ZNF787: variants seen among roughly 807,000 people sequenced by gnomAD.
The protein encoded by ZNF787 is TTF-I-interacting peptide 20.
Under a neutral mutation model 16.9 loss-of-function variants are expected in ZNF787, and 7 were observed. The ratio of observed to expected loss-of-function variants is 0.42; its 90% CI spans 0.24 to 0.78. The LOEUF (loss-of-function observed/expected upper bound fraction) is 0.78, where lower values mean the gene tolerates loss of function less well. ZNF787 is among the 30% of genes least tolerant of loss of function. The pLI, the probability that ZNF787 is intolerant of heterozygous loss-of-function variation, is 0.30. For missense variants in ZNF787, 551 were observed against 589.3 expected (o/e 0.94, Z 0.67); for synonymous variants, 345 against 270.9 (o/e 1.27, Z -2.69).
intron 2 of ZNF787, among the ~76,000 whole-genome samples, chr19:56,096,702 G>T (rs1985887032): frequency 6.6e-6 from 1 of 152,156 alleles, no homozygotes; most frequent in Non-Finnish European, 1.5e-5. Context: ...AACAGAGTGA[G>T]ACTCCGTCTC....
rs979722857 is a variant in ZNF787, at chr19:56,087,807, T to G, written c.*216A>C. Reference sequence around the variant, plus strand: ...ATAACTTAGGAAGGGCGGGCCAGGCTGAGGGGGCAGAGTCTCGAGGCGGAG... The same window carrying G: ...ATAACTTAGGAAGGGCGGGCCAGGCGGAGGGGGCAGAGTCTCGAGGCGGAG... On this transcript the variant is annotated 3_prime_UTR_variant, in exon 3 of 3. Transcript: ENST00000610935. The G allele has an allele frequency of 6.9e-6, 5 of 727,544 alleles. No homozygotes were observed. The highest frequency in any genetic ancestry group is 5.6e-5 in the African/African-American group (3 of 53,574). 45.1% of individuals were successfully genotyped at this position (727,544 alleles called of 1,614,324 possible).
At chr19:56,114,540 A>AG (rs1220724081) in intron 1 of ZNF787, among the ~76,000 whole-genome samples, 1 of 151,676 alleles carries the variant, frequency 6.6e-6, no homozygotes, top group Non-Finnish European at 1.5e-5. Flanking sequence ...TCTCTCTCTG[A>AG]GGGGCCGGGC....
intron 2 of ZNF787, among the ~76,000 whole-genome samples, chr19:56,093,260 T>C (rs527348757): frequency 1.3e-5 from 2 of 150,522 alleles, no homozygotes; most frequent in South Asian, 4.2e-4. Context: ...AATTGAGATA[T>C]TCCATAGATA....
Position 56,103,160 on chromosome 19 carries a change from T to C in ZNF787, c.58A>G (p.Met20Val), listed in dbSNP as rs774672751. ...PGPLDSEDQQ[M>V]ASHENPVDIL... ...TCACCTGGGTTCTCGTGACTGGCCA[T>C]CTGCTGGTCCTCAGAATCCAGCGGC... Residue 20 changes from methionine to valine, a missense_variant, in exon 2 of 3, where the codon ATG (methionine) becomes GTG (valine). Physicochemically the swap from Met to Val is conservative, Grantham distance 21. This residue lies in a region of ZNF787 where 80 missense variants were observed against 105.9 expected (regional missense o/e 0.76). Coordinates refer to ENST00000610935, the MANE Select transcript of ZNF787 (RefSeq NM_001002836.4). 2.5e-6 allele frequency: 4 copies of C among 1,601,112 alleles called. No individual in the cohort carries two copies. The South Asian group carries it at 4.5e-5, about 18-fold the overall frequency.
chr19:56,101,051 AGGG>A (rs1568528372), intron 2 of ZNF787, among the ~76,000 whole-genome samples: 1 of 129,906 alleles, frequency 7.7e-6, no homozygotes, highest in African/African-American at 3.0e-5. Context: ...GTCACATAGG[AGGG>A]ACGCACGTAA....
chr19:56,088,225 G>A lies in ZNF787; in HGVS notation c.947C>T (p.Ala316Val), dbSNP rs1464236172. 41 of 1,503,422 alleles carry A rather than the reference G, an allele frequency of 2.7e-5. No individual in the cohort carries two copies. The highest frequency in any genetic ancestry group is 3.6e-5 in the Non-Finnish European group (41 of 1,132,028). The allele number at this position is 1,503,422 out of a possible 1,614,324, so 93.1% of individuals were successfully genotyped here. A position where few individuals can be genotyped will look rare whatever the true frequency, so the allele number is the denominator to read the frequency against. The change falls in exon 3 of 3, where the codon GCC becomes GTC. Residue 316 changes from alanine (A) to valine (V), a missense_variant. Ala to Val is a moderately conservative substitution (Grantham distance 64). Around this residue, in one of 4 missense-constraint regions of ZNF787, gnomAD observed 392 missense variants for 312.7 expected, o/e 1.25. Coordinates refer to ENST00000610935, the MANE Select transcript of ZNF787 (RefSeq NM_001002836.4). This position sits in a 1 kb window ranked among gnomAD's most constrained non-coding sequence, Gnocchi z 8.6. ...GLGAAGGEEP[A>V]HICVECGEGF... ...CTCCCCGCACTCCACGCAGATGTGGGCCGGCTCCTCGCCCCCCGCCGCCCC... is the reference window on the plus strand; with the variant it reads ...CTCCCCGCACTCCACGCAGATGTGGACCGGCTCCTCGCCCCCCGCCGCCCC...
chr19:56,120,743 G>T (rs1304764152), intron 1 of ZNF787, among the ~76,000 whole-genome samples: 1 of 119,100 alleles, frequency 8.4e-6, no homozygotes, highest in Non-Finnish European at 1.7e-5. Flanking sequence ...ACTTCCCCCC[G>T]AAGTCGCCAC....
chr19:56,105,154 A>G (rs1040086408), intron 1 of ZNF787, among the ~76,000 whole-genome samples: 7 of 150,020 alleles, frequency 4.7e-5, no homozygotes, highest in Non-Finnish European at 8.9e-5. Context: ...AAATAAATAA[A>G]TAATAAAAAA....
chr19:56,092,852 G>T (rs1985687383), intron 2 of ZNF787, among the ~76,000 whole-genome samples: 1 of 151,870 alleles, frequency 6.6e-6, no homozygotes, highest in Non-Finnish European at 1.5e-5. Flanking sequence ...AGGGGTGGCG[G>T]AAGTGGGATC....
Position 56,103,138 on chromosome 19 carries a change from C to A in ZNF787, c.79+1G>T. The A allele has an allele frequency of 6.2e-7, 1 of 1,609,762 alleles. No homozygotes were observed. ...GGCTGGGAAGGCCTCTGGCTGCTCA[C>A]CTGGGTTCTCGTGACTGGCCATCTG... On this transcript the variant is annotated splice_donor_variant, in intron 2 of 2. Transcript: ENST00000610935. LOFTEE classifies it high-confidence loss of function.
At chr19:56,094,160 A>AT (rs1568524682) in intron 2 of ZNF787, among the ~76,000 whole-genome samples, 1 of 140,842 alleles carries the variant, frequency 7.1e-6, no homozygotes, top group Non-Finnish European at 1.5e-5. Flanking sequence ...AGTAGCAGGG[A>AT]TTACAGGCAT....
intron 1 of ZNF787, among the ~76,000 whole-genome samples, chr19:56,112,965 T>C (rs185673284): frequency 1.4e-5 from 2 of 144,346 alleles, no homozygotes; most frequent in East Asian, 4.5e-4. Context: ...CCCCTTCCCT[T>C]GGGGCTTTCG....
rs796556892 is a variant in ZNF787, at chr19:56,116,620, G to GAC, written c.-11+4550_-11+4551dup. On this transcript the variant is annotated intron_variant, in intron 1 of 2. Transcript: ENST00000610935. ...ATAAAGCCTTTATATTAAAAAAAAA[G>GAC]ACACACACACACACAAAACCACACC... Among the ~76,000 whole-genome samples the GAC allele has an allele frequency of 2.8e-4, 42 of 151,336 alleles. 2 individuals carry two copies. Among genetic ancestry groups the GAC allele is most frequent in the East Asian group, 1.2e-3 (6 of 5,158 alleles).
At chr19:56,107,160 C>T (rs1276218903) in intron 1 of ZNF787, among the ~76,000 whole-genome samples, 1 of 152,154 alleles carries the variant, frequency 6.6e-6, no homozygotes, top group Non-Finnish European at 1.5e-5. Flanking sequence ...TCCATGATAG[C>T]CCTCTGGGTA....
intron 2 of ZNF787, among the ~76,000 whole-genome samples, chr19:56,100,121 G>A (rs1183955476): frequency 6.6e-6 from 1 of 152,176 alleles, no homozygotes; most frequent in Non-Finnish European, 1.5e-5. Flanking sequence ...AGGAGCTGAG[G>A]AAGGGTCCGG....
intron 1 of ZNF787, among the ~76,000 whole-genome samples, chr19:56,112,211 C>T (rs541217807): frequency 8.5e-5 from 13 of 152,298 alleles, no homozygotes; most frequent in African/African-American, 2.9e-4. Context: ...GAAGGCCCCC[C>T]ACTTGCTCTC....
In ZNF787 at chr19:56,088,068, G is replaced by C. The variant is rs780078284; in HGVS notation, c.1104C>G (p.Ala368=). The change falls in exon 3 of 3, where the codon GCC becomes GCG. Residue 368 remains alanine, a synonymous_variant. Coordinates refer to ENST00000610935, the MANE Select transcript of ZNF787 (RefSeq NM_001002836.4). This position sits in a 1 kb window ranked among gnomAD's most constrained non-coding sequence, Gnocchi z 8.6. The part of the protein sequence containing the change: ...GGEEEDDDDE[A]AGGRCPECRG... ...GGCACTCGGGGCACCGCCCGCCCGC[G>C]GCCTCGTCGTCGTCGTCCTCCTCCT... 5.4e-6 allele frequency: 7 copies of C among 1,307,228 alleles called. No individual in the cohort carries two copies. Among genetic ancestry groups the C allele is most frequent in the South Asian group, 1.4e-5 (1 of 73,006 alleles). 81.0% of individuals were successfully genotyped at this position (1,307,228 alleles called of 1,614,324 possible). A position where few individuals can be genotyped will look rare whatever the true frequency, so the allele number is the denominator to read the frequency against.
chr19:56,116,449 A>G lies in ZNF787; in HGVS notation c.-11+4723T>C, dbSNP rs186936638. 2.6e-3 allele frequency among the ~76,000 whole-genome samples: 398 copies of G among 152,140 alleles called. 1 individual carries two copies. Among genetic ancestry groups the G allele is most frequent in the African/African-American group, 9.1e-3 (378 of 41,484 alleles). ...GGAGTGAGATTCTGTCTCAAAATAA[A>G]TAAATAAATAAATAAAGCCCCTGGT... On this transcript the variant is annotated intron_variant, in intron 1 of 2. Transcript: ENST00000610935.
intron 1 of ZNF787, among the ~76,000 whole-genome samples, chr19:56,109,071 C>G (rs547364453): frequency 1.3e-5 from 2 of 152,154 alleles, no homozygotes; most frequent in East Asian, 3.9e-4. Flanking sequence ...CAAGGAATGA[C>G]GGCTGGCACC....
Sources: gnomAD v4.1 joint callset for allele counts (sites outside exome capture counted in the v4.1 genomes callset) on GRCh38, gnomAD v4.1.1 for gene constraint, gnomAD v4.1.1 regional missense constraint, Gnocchi (gnomAD v3.1) non-coding constraint, MANE v1.5 for transcripts, NCBI Gene and HGNC (gene_info 2026-07-23, HGNC 2026-07-21) for gene names.